Variants in ZNF664 observed in about 807,000 individuals in gnomAD.
The protein encoded by ZNF664 is zinc finger protein 664, also known as zinc finger Organ of Corti 1.
In ZNF664, 10 loss-of-function variants were observed where a neutral mutation model predicts 18.2. The ratio of observed to expected loss-of-function variants is 0.55; its 90% CI spans 0.34 to 0.93. The LOEUF is 0.93. ZNF664 is among the 40% of genes least tolerant of loss of function. The pLI is 0.02. For missense variants in ZNF664, 193 were observed against 319.0 expected (o/e 0.61, Z 3.01); for synonymous variants, 119 against 104.2 (o/e 1.14, Z -0.86).
chr12:123,979,865 G>A lies in ZNF664; in HGVS notation c.-757+5845G>A, dbSNP rs549788404. Among the ~76,000 whole-genome samples, 11 of 152,076 alleles carry A rather than the reference G, an allele frequency of 7.2e-5. No homozygotes were observed. In the South Asian group the frequency reaches 2.1e-3, roughly 29 times the overall value. On this transcript the variant is annotated intron_variant, in intron 2 of 4. Transcript: ENST00000337815. ...CCTGGCTGATTTTTAAATTTTTTTT[G>A]TAGAGACGGAGTCTCACCACGTTAC...
intron 3 of ZNF664, among the ~76,000 whole-genome samples, chr12:123,999,897 T>A (rs1347108394): frequency 6.6e-6 from 1 of 152,100 alleles, no homozygotes; most frequent in East Asian, 1.9e-4. Context: ...ACATAGCAAG[T>A]TGGGGTGAGG....
chr12:124,011,629 G>A lies in ZNF664; in HGVS notation c.-516G>A, dbSNP rs1957137045. 2.0e-6 allele frequency: 2 copies of A among 1,005,830 alleles called. No individual in the cohort carries two copies. Among genetic ancestry groups the A allele is most frequent in the Admixed American group, 6.0e-5 (1 of 16,684 alleles). 62.3% of individuals were successfully genotyped at this position (1,005,830 alleles called of 1,614,324 possible). On this transcript the variant is annotated 5_prime_UTR_variant, in exon 5 of 5. Transcript: ENST00000337815. Reference sequence around the variant, plus strand: ...CCCGAGGAGCCTGCTTGCTGGAAAGGCTTTCCTGTCTGATGTGCAGGAGGC... The same window carrying A: ...CCCGAGGAGCCTGCTTGCTGGAAAGACTTTCCTGTCTGATGTGCAGGAGGC...
At chr12:123,974,200 C>T (rs759202114) in intron 2 of ZNF664, 180 bp downstream of exon 2, 3 of 420,330 alleles carry the variant, frequency 7.1e-6, no homozygotes, top group Non-Finnish European at 1.2e-5. Context: ...CCTCTCATTT[C>T]CCCCAGAACT....
Position 124,012,870 on chromosome 12 carries a change from C to G in ZNF664, c.726C>G (p.Leu242=). 6.2e-7 allele frequency: 1 copy of G among 1,613,956 alleles called. No homozygotes were observed. Among genetic ancestry groups the G allele is most frequent in the Non-Finnish European group, 8.5e-7 (1 of 1,179,954 alleles). Residue 242 remains leucine, a synonymous_variant, in exon 5 of 5, where the codon CTC becomes CTG. Transcript: ENST00000337815. The part of the protein sequence containing the change: ...CGKAFSQSTS[L]CIHQRVHTKE... ...AGGCCTTCAGTCAGAGTACGAGCCTCTGCATCCACCAGAGAGTCCACACAA... is the reference window on the plus strand; with the variant it reads ...AGGCCTTCAGTCAGAGTACGAGCCTGTGCATCCACCAGAGAGTCCACACAA...
At position 124,012,999 on chromosome 12, in the gene ZNF664, CTACA is replaced by C; in HGVS notation, c.*71_*74del. On this transcript the variant is annotated 3_prime_UTR_variant, in exon 5 of 5. Transcript: ENST00000337815. ...ACTAGGAAGGAAACCCTGTATATAC[CTACA>C]TTGACCCAAGAAATATTTACGCAAT... 6.6e-7 allele frequency: 1 copy of C among 1,504,552 alleles called. No individual in the cohort carries two copies. Among genetic ancestry groups the C allele is most frequent in the Non-Finnish European group, 8.9e-7 (1 of 1,121,794 alleles). The allele number at this position is 1,504,552 out of a possible 1,614,324, so 93.2% of individuals were successfully genotyped here.
At chr12:124,007,764 C>CTGTTT in intron 3 of ZNF664, among the ~76,000 whole-genome samples, 1 of 145,286 alleles carries the variant, frequency 6.9e-6, no homozygotes, top group Non-Finnish European at 1.5e-5. Flanking sequence ...TTAGAGTAGA[C>CTGTTT]TATTATCTCT....
chr12:124,008,631 A>G (rs1294853553), intron 3 of ZNF664, among the ~76,000 whole-genome samples: 2 of 152,168 alleles, frequency 1.3e-5, no homozygotes, highest in East Asian at 3.8e-4. Flanking sequence ...TTGGGCCCCT[A>G]GTTAATTCCA....
Position 124,012,101 on chromosome 12 carries a change from A to T in ZNF664, c.-44A>T. The stretch of plus-strand genomic sequence containing the variant: ...TAACAGTCTTGTAACTGTAGTAATC[A>T]TAAGGAAATTTTCTCCTTGAAATCA... On this transcript the variant is annotated 5_prime_UTR_variant, in exon 5 of 5. Transcript: ENST00000337815. 2 of 1,564,028 alleles carry T rather than the reference A, an allele frequency of 1.3e-6. No individual in the cohort carries two copies. The highest frequency in any genetic ancestry group is 1.2e-5 in the South Asian group (1 of 80,428).
chr12:123,973,706 G>A (rs983496598), intron 1 of ZNF664, 180 bp from the exon 2 acceptor site: 20 of 1,104,282 alleles, frequency 1.8e-5, no homozygotes, highest in Non-Finnish European at 2.2e-5. Context: ...TCCCGAGCCA[G>A]GCTCCATTGT....
At chr12:124,002,708 G>A (rs925191460) in intron 3 of ZNF664, among the ~76,000 whole-genome samples, 2 of 152,214 alleles carry the variant, frequency 1.3e-5, no homozygotes, top group African/African-American at 4.8e-5. Context: ...GCTTGACAGA[G>A]ATGGGGAAGA....
chr12:123,983,111 TAC>T lies in ZNF664; in HGVS notation c.-756-4931_-756-4930del, dbSNP rs1956785507. Among the ~76,000 whole-genome samples, 3 of 152,082 alleles carry T rather than the reference TAC, an allele frequency of 2.0e-5. No individual in the cohort carries two copies. The South Asian group carries it at 6.2e-4, about 32-fold the overall frequency. On this transcript the variant is annotated intron_variant, in intron 2 of 4. Coordinates refer to ENST00000337815, the MANE Select transcript of ZNF664 (RefSeq NM_152437.3). ...GTAGTGAGCCATGATCACGCCACTG[TAC>T]TCCAGCCTGGGTGACAGAGCGAGAC...
intron 2 of ZNF664, among the ~76,000 whole-genome samples, chr12:123,983,044 A>C (rs1342123328): frequency 6.6e-6 from 1 of 152,184 alleles, no homozygotes; most frequent in Admixed American, 6.5e-5. Context: ...GGTTCCAGCT[A>C]CTTAAGAGGC....
chr12:123,990,432 A>G (rs1956876062), intron 3 of ZNF664, among the ~76,000 whole-genome samples: 1 of 151,988 alleles, frequency 6.6e-6, no homozygotes, highest in Non-Finnish European at 1.5e-5. Context: ...CCTGTTCTCC[A>G]GGGCCCAACC....
chr12:123,977,172 T>C (rs887231521), intron 2 of ZNF664, among the ~76,000 whole-genome samples: 38 of 152,266 alleles, frequency 2.5e-4, no homozygotes, highest in East Asian at 3.9e-4. Flanking sequence ...ATGCAAAAAG[T>C]ACACATAAAT....
At chr12:124,007,497 C>T (rs967196047) in intron 3 of ZNF664, among the ~76,000 whole-genome samples, 2 of 150,516 alleles carry the variant, frequency 1.3e-5, no homozygotes, top group Admixed American at 6.6e-5. Context: ...CCACTGCCTT[C>T]GCCTGCAGCC....
rs1957152121 is a variant in ZNF664, at chr12:124,013,135, C to CGGAT, written c.*206_*207insGATG. The CGGAT allele has an allele frequency of 4.3e-6, 3 of 699,920 alleles. No individual in the cohort carries two copies. Among genetic ancestry groups the CGGAT allele is most frequent in the Non-Finnish European group, 7.0e-6 (3 of 427,688 alleles). 43.4% of individuals were successfully genotyped at this position (699,920 alleles called of 1,614,324 possible). ...TTGAATGTGGACCTCTGAGCATCCA[C>CGGAT]GCAGGATGGCTCTCAGGTCCCAGTC... On this transcript the variant is annotated 3_prime_UTR_variant, in exon 5 of 5. Coordinates refer to ENST00000337815, the MANE Select transcript of ZNF664 (RefSeq NM_152437.3).
At chr12:124,006,122 A>T (rs555116439) in intron 3 of ZNF664, 1 of 152,348 alleles carries the variant, frequency 6.6e-6, no homozygotes, top group Non-Finnish European at 1.5e-5. Flanking sequence ...AGTCAAGGTG[A>T]TTAGTCTTTA....
intron 3 of ZNF664, among the ~76,000 whole-genome samples, chr12:123,999,159 T>G (rs528738971): frequency 3.3e-5 from 5 of 152,338 alleles, no homozygotes; most frequent in African/African-American, 1.2e-4. Context: ...GCTGTATGCA[T>G]GTGGGGAGAT....
intron 3 of ZNF664, chr12:123,989,412 G>A (rs570321220): frequency 1.3e-5 from 2 of 152,318 alleles, no homozygotes; most frequent in African/African-American, 4.8e-5. Flanking sequence ...GTGCTGATTT[G>A]GGTAACCTCG....
Sources: allele counts gnomAD v4.1 joint callset (sites outside exome capture counted in the v4.1 genomes callset), GRCh38; gene constraint gnomAD v4.1.1; transcripts MANE v1.5; gene names NCBI Gene and HGNC (gene_info 2026-07-23, HGNC 2026-07-21).